The following SEC16A variants were observed in gnomAD, a reference collection of about 807,000 sequenced individuals.
The protein encoded by SEC16A is protein transport protein Sec16A.
SEC16A carries 110 observed loss-of-function variants against 221.9 expected under a neutral mutation model. The observed-to-expected ratio is 0.50, with a 90% confidence interval of 0.42 to 0.58. The LOEUF is 0.58. SEC16A is among the 20% of genes least tolerant of loss of function. The pLI is 0.00. For missense variants in SEC16A, 3,165 were observed against 3,097.8 expected (o/e 1.02, Z -0.52); for synonymous variants, 1,393 against 1,257.7 (o/e 1.11, Z -2.28).
Position 136,477,621 on chromosome 9 carries a change from A to G in SEC16A, c.-6T>C. ...GTCTGGGGCGGTGGCTGCATGACTG[A>G]ACCCTTGCACAAGTCGATGCTGCTT... On this transcript the variant is annotated 5_prime_UTR_variant, in exon 3 of 32. Coordinates refer to ENST00000684901, the MANE Select transcript of SEC16A (RefSeq NM_014866.2). 6.2e-7 allele frequency: 1 copy of G among 1,600,366 alleles called. No individual in the cohort carries two copies. The highest frequency in any genetic ancestry group is 1.7e-5 in the Admixed American group (1 of 59,038).
In SEC16A at chr9:136,468,475, C is replaced by G. The variant is rs1157563363; in HGVS notation, c.3742G>C (p.Gly1248Arg). 1 of 1,613,400 alleles carries G rather than the reference C, an allele frequency of 6.2e-7. No homozygotes were observed. The highest frequency in any genetic ancestry group is 8.5e-7 in the Non-Finnish European group (1 of 1,179,376). ...TAGTAATCGCTCTGACTGCTCCATC[C>G]ACTTTTGGAACTATAGTATCCTTCA... The part of the protein sequence containing the change: ...YPEGYYSSKS[G>R]WSSQSDYYAS... Residue 1248 changes from glycine to arginine, a missense_variant, in exon 5 of 32, where the codon GGA (glycine) becomes CGA (arginine). Around this residue, in one of 3 missense-constraint regions of SEC16A, gnomAD observed 2,030 missense variants for 1,923.1 expected, o/e 1.06. Transcript: ENST00000684901.
chr9:136,459,736 C>T lies in SEC16A; in HGVS notation c.5191+21G>A. ...GCGCTCCATCCGCGACACCCAATGC[C>T]CATCTCCACCCCTGACCTACCCAGA... On this transcript the variant is annotated intron_variant, in intron 15 of 31. Transcript: ENST00000684901. This position sits in a 1 kb window ranked among gnomAD's most constrained non-coding sequence, Gnocchi z 6.1. 6.4e-7 allele frequency: 1 copy of T among 1,572,352 alleles called. No homozygotes were observed. Among genetic ancestry groups the T allele is most frequent in the Non-Finnish European group, 8.7e-7 (1 of 1,151,884 alleles).
In SEC16A at chr9:136,454,320, C is replaced by G. The variant is rs1248288005; in HGVS notation, c.5865G>C (p.Gln1955His). 1.9e-6 allele frequency: 3 copies of G among 1,572,288 alleles called. No homozygotes were observed. The Admixed American group carries it at 5.6e-5, about 30-fold the overall frequency. ...TGGCCAATGGGCCGTCAGGGAGCGT[C>G]TGCGGAGCTGCATGGGAACGGTGGA... ...PSVRLLPSAP[Q>H]TLPDGPLASP... The change falls in exon 21 of 32, where the codon CAG (glutamine) becomes CAC (histidine). Residue 1955 changes from glutamine (Q) to histidine (H), a missense_variant. Physicochemically the swap from Gln to His is conservative, Grantham distance 24 (BLOSUM62 0). Around this residue, in one of 3 missense-constraint regions of SEC16A, gnomAD observed 1,088 missense variants for 1,089.6 expected, o/e 1.00. Coordinates refer to ENST00000684901, the MANE Select transcript of SEC16A (RefSeq NM_014866.2).
chr9:136,441,823 C>T lies in SEC16A; in HGVS notation c.7006G>A (p.Ala2336Thr). The change falls in exon 32 of 32, where the codon GCC (alanine) becomes ACC (threonine). Residue 2336 changes from alanine (A) to threonine (T), a missense_variant and splice_region_variant. Ala to Thr is a moderately conservative substitution (Grantham distance 58). Around this residue, in one of 3 missense-constraint regions of SEC16A, gnomAD observed 1,088 missense variants for 1,089.6 expected, o/e 1.00. Transcript: ENST00000684901. ...PFYNPAQLAQ[A>T]CATSGSSRLG... ...CTTGAGCTCCCGGAGGTGGCGCAGG[C>T]CTGGAATGAAATCAACAGCATGACC... 6.2e-7 allele frequency: 1 copy of T among 1,612,698 alleles called. No homozygotes were observed. The highest frequency in any genetic ancestry group is 8.5e-7 in the Non-Finnish European group (1 of 1,179,672).
intron 21 of SEC16A, 113 bp from the exon 22 acceptor site, chr9:136,453,623 C>T (rs75298468): frequency 0.018 from 13,896 of 785,290 alleles, 552 homozygotes; most frequent in African/African-American, 0.13. Context: ...GCCACACCAG[C>T]ATGATCTGCA....
At position 136,465,922 on chromosome 9, in the gene SEC16A, T is replaced by C. The variant is rs1840085021; in HGVS notation, c.4303+40A>G. The C allele has an allele frequency of 2.5e-6, 4 of 1,576,618 alleles. No homozygotes were observed. In the Middle Eastern group the frequency reaches 7.5e-4, roughly 294 times the overall value. On this transcript the variant is annotated intron_variant, in intron 8 of 31. Coordinates refer to ENST00000684901, the MANE Select transcript of SEC16A (RefSeq NM_014866.2). ...ATGCCAGGCTGGGTGGCCGCCCCAGTGGGGTTAGCCGGTATCCCTCTGTCC... is the reference window on the plus strand; with the variant it reads ...ATGCCAGGCTGGGTGGCCGCCCCAGCGGGGTTAGCCGGTATCCCTCTGTCC...
chr9:136,451,011 G>A (rs1256872484), intron 23 of SEC16A, among the ~76,000 whole-genome samples: 1 of 152,196 alleles, frequency 6.6e-6, no homozygotes, highest in Non-Finnish European at 1.5e-5. Flanking sequence ...CTGACAGGTA[G>A]TGGCCAGAGG....
In SEC16A at chr9:136,447,119, G is replaced by A; in HGVS notation, c.6697+108C>T. 1 of 1,515,740 alleles carries A rather than the reference G, an allele frequency of 6.6e-7. No homozygotes were observed. Among genetic ancestry groups the A allele is most frequent in the Non-Finnish European group, 8.9e-7 (1 of 1,127,666 alleles). 93.9% of individuals were successfully genotyped at this position (1,515,740 alleles called of 1,614,324 possible). Reference sequence around the variant, plus strand: ...ACCAACCCCAGGCTCTCTGCATGCTGGCCAGGTCATTCTTTTAACGGGAGA... The same window carrying A: ...ACCAACCCCAGGCTCTCTGCATGCTAGCCAGGTCATTCTTTTAACGGGAGA... On this transcript the variant is annotated intron_variant, in intron 27 of 31. Transcript: ENST00000684901. The surrounding 1 kb of genome is among the most constrained non-coding windows in gnomAD (Gnocchi z 5.5).
Position 136,459,487 on chromosome 9 carries a change from T to C in SEC16A, c.5260A>G (p.Thr1754Ala), listed in dbSNP as rs780438513. The C allele has an allele frequency of 2.5e-6, 4 of 1,608,528 alleles. No individual in the cohort carries two copies. The highest frequency in any genetic ancestry group is 2.2e-5 in the East Asian group (1 of 44,738). Residue 1754 changes from threonine (T) to alanine (A), a missense_variant, in exon 16 of 32, where the codon ACG becomes GCG. By Grantham distance (58) the Thr-to-Ala change is moderately conservative (BLOSUM62 0). Coordinates refer to ENST00000684901, the MANE Select transcript of SEC16A (RefSeq NM_014866.2). This position sits in a 1 kb window ranked among gnomAD's most constrained non-coding sequence, Gnocchi z 6.1. ...LMAQAGFGVYTKKTTKLVLIG... is the reference protein window; with the variant it reads ...LMAQAGFGVYAKKTTKLVLIG... ...AAGACAAGCTTTGTAGTTTTCTTCG[T>C]GTAAACACCAAATCCCGCCTGGGCC...
chr9:136,460,235 G>A (rs895214154), intron 13 of SEC16A, 112 bp from the exon 14 acceptor site: 5 of 768,994 alleles, frequency 6.5e-6, no homozygotes, highest in African/African-American at 1.8e-5. Flanking sequence ...GGCCAAAGTG[G>A]GCGGATCACC....
Position 136,463,528 on chromosome 9 carries a change from AG to A in SEC16A, c.4581del (p.Leu1528Ter), listed in dbSNP as rs1685117333. The A allele has an allele frequency of 6.2e-7, 1 of 1,613,780 alleles. No homozygotes were observed. The highest frequency in any genetic ancestry group is 1.7e-5 in the Admixed American group (1 of 60,014). On this transcript the variant is annotated frameshift_variant, in exon 11 of 32. Coordinates refer to ENST00000684901, the MANE Select transcript of SEC16A (RefSeq NM_014866.2). LOFTEE classifies it high-confidence loss of function. Reference protein sequence around the residue: ...NKAMKCLQNENLIDKESASLL... With the variant: ...NKAMKCLQNEXLIDKESASLL... ...AGACTTGCAGACTCTTTGTCAATTA[AG>A]TTTTCATTCTGCAAACATTTCATAG...
chr9:136,483,493 T>C (rs1228684605), upstream of SEC16A: 1 of 896,552 alleles, frequency 1.1e-6, no homozygotes, highest in African/African-American at 2.1e-5. Flanking sequence ...CCCTCCGGCG[T>C]CCGTCTGCCG....
chr9:136,441,669 G>A lies in SEC16A; in HGVS notation c.*86C>T, dbSNP rs574675521. On this transcript the variant is annotated 3_prime_UTR_variant, in exon 32 of 32. Transcript: ENST00000684901. Reference sequence around the variant, plus strand: ...GTCACTGCTGTGTCTCCCTGGGGGCGGGACGGAGATCGCGGAGGTCGGTCG... The same window carrying A: ...GTCACTGCTGTGTCTCCCTGGGGGCAGGACGGAGATCGCGGAGGTCGGTCG... 1.5e-4 allele frequency: 176 copies of A among 1,186,632 alleles called. 2 individuals are homozygous for A. The South Asian group carries it at 1.8e-3, about 12-fold the overall frequency. 73.5% of individuals were successfully genotyped at this position (1,186,632 alleles called of 1,614,324 possible).
Position 136,474,609 on chromosome 9 carries a change from CCAAAGTCCTGCTTAAGG to C in SEC16A, c.2990_3006del (p.Thr997ArgfsTer13), listed in dbSNP as rs1841373536. 1 of 1,612,850 alleles carries C rather than the reference CCAAAGTCCTGCTTAAGG, an allele frequency of 6.2e-7. No homozygotes were observed. Among genetic ancestry groups the C allele is most frequent in the African/African-American group, 1.3e-5 (1 of 74,932 alleles). ...GGGTTGTACACGTTTACAGGATTTT[CCAAAGTCCTGCTTAAGG>C]TAAAGTCTAGGGCTCCGTAAGTGTC... On this transcript the variant is annotated frameshift_variant, in exon 3 of 32. Coordinates refer to ENST00000684901, the MANE Select transcript of SEC16A (RefSeq NM_014866.2). LOFTEE classifies it high-confidence loss of function.
Position 136,466,636 on chromosome 9 carries a change from C to T in SEC16A, c.3930-174G>A, listed in dbSNP as rs1416629056. Among the ~76,000 whole-genome samples the T allele has an allele frequency of 1.3e-5, 2 of 152,202 alleles. No individual in the cohort carries two copies. The highest frequency in any genetic ancestry group is 2.9e-5 in the Non-Finnish European group (2 of 68,036). On this transcript the variant is annotated intron_variant, in intron 6 of 31. Transcript: ENST00000684901. This position sits in a 1 kb window ranked among gnomAD's most constrained non-coding sequence, Gnocchi z 5.5. ...CAACGTTAGAGAAGTACTGCGAATG[C>T]GTCTCCAGTGTGGTCACTTCTCTGG... is the stretch of plus-strand genomic sequence containing the variant.
chr9:136,466,449 C>T lies in SEC16A; in HGVS notation c.3943G>A (p.Asp1315Asn). ...CGAGGATCGTACCTCCAGTTGTTGT[C>T]ACGTTTCTCGGGCCTAGAGGAAGCC... ...SAFGDRPEKR[D>N]NNWRYDPRFT... The change falls in exon 7 of 32, where the codon GAC becomes AAC. Residue 1315 changes from aspartate to asparagine, a missense_variant. Asp to Asn is a conservative substitution (Grantham distance 23, BLOSUM62 1). Coordinates refer to ENST00000684901, the MANE Select transcript of SEC16A (RefSeq NM_014866.2). This position sits in a 1 kb window ranked among gnomAD's most constrained non-coding sequence, Gnocchi z 5.5. 6.2e-7 allele frequency: 1 copy of T among 1,605,234 alleles called. No homozygotes were observed. The highest frequency in any genetic ancestry group is 8.5e-7 in the Non-Finnish European group (1 of 1,175,808).
intron 4 of SEC16A, among the ~76,000 whole-genome samples, chr9:136,470,218 A>G (rs906196337): frequency 2.3e-4 from 35 of 152,378 alleles, no homozygotes; most frequent in Admixed American, 3.9e-4. Context: ...AGGCAGCCGC[A>G]GGATCCGAAC....
upstream of SEC16A, chr9:136,483,112 G>T (rs1842627536): frequency 1.3e-6 from 1 of 756,826 alleles, no homozygotes. Flanking sequence ...CCCGCCCCTG[G>T]CCCCGCCCCT....
Position 136,476,746 on chromosome 9 carries a change from G to C in SEC16A, c.870C>G (p.Ser290Arg). ...RDEVSHLQSGSHLANNSDPES... is the reference protein window; with the variant it reads ...RDEVSHLQSGRHLANNSDPES... ...CAGGATCAGAGTTATTGGCCAGGTG[G>C]CTTCCACTTTGCAAGTGGCTCACCT... Residue 290 changes from serine (S) to arginine (R), a missense_variant, in exon 3 of 32, where the codon AGC becomes AGG. Ser to Arg is a moderately radical substitution (Grantham distance 110, BLOSUM62 -1). Coordinates refer to ENST00000684901, the MANE Select transcript of SEC16A (RefSeq NM_014866.2). The C allele has an allele frequency of 6.2e-7, 1 of 1,609,076 alleles. No homozygotes were observed. The highest frequency in any genetic ancestry group is 8.5e-7 in the Non-Finnish European group (1 of 1,176,728).
Sources: allele counts gnomAD v4.1 joint callset (sites outside exome capture counted in the v4.1 genomes callset), GRCh38; gene constraint gnomAD v4.1.1; regional missense constraint gnomAD v4.1.1; non-coding constraint Gnocchi (gnomAD v3.1); transcripts MANE v1.5; gene names NCBI Gene and HGNC (gene_info 2026-07-23, HGNC 2026-07-21).